ASAP3: variants seen among roughly 807,000 people sequenced by gnomAD.
The protein encoded by ASAP3 is arf-GAP with SH3 domain, ANK repeat and PH domain-containing protein 3.
Under a neutral mutation model 118.2 loss-of-function variants are expected in ASAP3, and 85 were observed. That is an observed-to-expected ratio of 0.72 (90% CI 0.60 to 0.86). The LOEUF (loss-of-function observed/expected upper bound fraction) is 0.86, where lower values mean the gene tolerates loss of function less well. Among genes scored for constraint, ASAP3 ranks in the 40% least tolerant of loss-of-function variants. The pLI, the probability that ASAP3 is intolerant of heterozygous loss-of-function variation, is 0.00. For missense variants in ASAP3, 1,026 were observed against 1,175.0 expected (o/e 0.87, Z 1.85); for synonymous variants, 432 against 477.4 (o/e 0.90, Z 1.24).
rs530136066 is a variant in ASAP3 at position 23,431,990 on chromosome 1, C to T, written c.2324-72G>A. ...GCTCTGTGCCCAACCTCAAAGCAGT[C>T]TCTGGCCTCTAGGATTTTTTTTTTT... On this transcript the variant is annotated intron_variant, in intron 22 of 24. Coordinates refer to ENST00000336689, the MANE Select transcript of ASAP3 (RefSeq NM_017707.4). 5.9e-6 allele frequency: 7 copies of T among 1,195,698 alleles called. No homozygotes were observed. The African/African-American group carries it at 1.1e-4, about 19-fold the overall frequency. The allele number at this position is 1,195,698 out of a possible 1,614,324, so 74.1% of individuals were successfully genotyped here. A position where few individuals can be genotyped will look rare whatever the true frequency, so the allele number is the denominator to read the frequency against.
chr1:23,471,868 T>A (rs1302441369), intron 1 of ASAP3, among the ~76,000 whole-genome samples: 1 of 152,240 alleles, frequency 6.6e-6, no homozygotes, highest in Non-Finnish European at 1.5e-5. Context: ...GATGTGCTAA[T>A]ATCTGAAAAG....
intron 1 of ASAP3, among the ~76,000 whole-genome samples, chr1:23,479,475 C>T (rs1023320491): frequency 2.0e-5 from 3 of 152,170 alleles, no homozygotes. Context: ...ACAAATTTCC[C>T]TCCAACAGAA....
chr1:23,457,242 A>C (rs996383822), intron 1 of ASAP3, among the ~76,000 whole-genome samples: 2 of 152,062 alleles, frequency 1.3e-5, no homozygotes, highest in African/African-American at 4.8e-5. Flanking sequence ...CCACAGCCCC[A>C]CCCTGACCCC....
chr1:23,440,686 C>A (rs1417958677), intron 10 of ASAP3, among the ~76,000 whole-genome samples: 1 of 150,054 alleles, frequency 6.7e-6, no homozygotes, highest in African/African-American at 2.5e-5. Context: ...GAAACCCCGT[C>A]TCTACTAAAA....
chr1:23,439,212 C>G lies in ASAP3; in HGVS notation c.963G>C (p.Gln321His), dbSNP rs752374798. 6.2e-7 allele frequency: 1 copy of G among 1,614,102 alleles called. No homozygotes were observed. Among genetic ancestry groups the G allele is most frequent in the Non-Finnish European group, 8.5e-7 (1 of 1,180,006 alleles). ...CATACTTGACTCCACACTTCCTTTT[C>G]TGCCAGACTCTTCGAATTCTAAAGC... ...KKSDGIRRVWQKRKCGVKYGC... is the reference protein window; with the variant it reads ...KKSDGIRRVWHKRKCGVKYGC... Residue 321 changes from glutamine (Q) to histidine (H), a missense_variant, in exon 11 of 25, where the codon CAG (glutamine) becomes CAC (histidine). By Grantham distance (24) the Gln-to-His change is conservative. Coordinates refer to ENST00000336689, the MANE Select transcript of ASAP3 (RefSeq NM_017707.4).
At position 23,429,183 on chromosome 1, in the gene ASAP3, T is replaced by C. The variant is rs956044719; in HGVS notation, c.*673A>G. On this transcript the variant is annotated 3_prime_UTR_variant, in exon 25 of 25. Transcript: ENST00000336689. ...TTTTTATTTAACAGCCAGTACAGCA[T>C]GCATGTTGACCAGCCAGAATGGATG... 2.6e-5 allele frequency: 4 copies of C among 152,404 alleles called. No homozygotes were observed. The highest frequency in any genetic ancestry group is 9.6e-5 in the African/African-American group (4 of 41,454). 9.4% of individuals were successfully genotyped at this position (152,404 alleles called of 1,614,324 possible).
chr1:23,473,974 CTTTTTTTTTTT>C (rs10664798), intron 1 of ASAP3, among the ~76,000 whole-genome samples: 6 of 72,104 alleles, frequency 8.3e-5, no homozygotes, highest in African/African-American at 3.4e-4. Flanking sequence ...TAAATCTGCT[CTTTTTTTTTTT>C]TTTTTTTTTT....
At chr1:23,447,116 C>T (rs748722623) in intron 5 of ASAP3, among the ~76,000 whole-genome samples, 3 of 152,202 alleles carry the variant, frequency 2.0e-5, no homozygotes, top group Non-Finnish European at 4.4e-5. Flanking sequence ...CGCCTGCCAA[C>T]GCTCACCTCC....
At position 23,433,099 on chromosome 1, in the gene ASAP3, C is replaced by A. The variant is rs190117959; in HGVS notation, c.2301G>T (p.Gly767=). ...TACCTCCACTGGCATGTCTTGCACA[C>A]CCTTGGACCAAAGTCCGAGAAGAGT... ...VKNSSRTLVQ[G]CARHASGDRS... Residue 767 remains glycine, a synonymous_variant, in exon 22 of 25, where the codon GGG becomes GGT. Transcript: ENST00000336689. 2 of 1,613,990 alleles carry A rather than the reference C, an allele frequency of 1.2e-6. No homozygotes were observed. The highest frequency in any genetic ancestry group is 1.7e-5 in the Admixed American group (1 of 59,978).
chr1:23,452,242 CAG>C (rs530800482), intron 4 of ASAP3, among the ~76,000 whole-genome samples: 97 of 152,292 alleles, frequency 6.4e-4, no homozygotes, highest in African/African-American at 2.3e-3. Context: ...GCAGATTGCC[CAG>C]AGAGATTATT....
chr1:23,460,856 C>G (rs1641563942), intron 1 of ASAP3, among the ~76,000 whole-genome samples: 1 of 152,092 alleles, frequency 6.6e-6, no homozygotes. Flanking sequence ...TGTCATGCAT[C>G]CAGAGAGTGA....
intron 17 of ASAP3, among the ~76,000 whole-genome samples, chr1:23,435,322 C>G (rs1186434471): frequency 6.6e-6 from 1 of 152,244 alleles, no homozygotes; most frequent in Non-Finnish European, 1.5e-5. Context: ...AGCCACCACA[C>G]CCAGCCAACA....
intron 1 of ASAP3, among the ~76,000 whole-genome samples, chr1:23,468,026 G>C (rs61778882): frequency 0.012 from 1,811 of 152,000 alleles, 14 homozygotes; most frequent in Middle Eastern, 0.041. Context: ...GTTTGTAAGG[G>C]AGTTTGACAC....
intron 1 of ASAP3, among the ~76,000 whole-genome samples, chr1:23,479,028 C>A (rs968674759): frequency 6.6e-6 from 1 of 152,110 alleles, no homozygotes; most frequent in African/African-American, 2.4e-5. Flanking sequence ...TTTACCCTGC[C>A]GGTCACTTTC....
At chr1:23,434,745 G>A (rs1012850306) in intron 17 of ASAP3, 127 bp from the exon 18 acceptor site, 2 of 824,622 alleles carry the variant, frequency 2.4e-6, no homozygotes, top group Non-Finnish European at 3.9e-6. Context: ...CTGGAGAGAT[G>A]AGACTGCAAG....
chr1:23,473,875 C>T (rs1642034614), intron 1 of ASAP3, among the ~76,000 whole-genome samples: 2 of 152,004 alleles, frequency 1.3e-5, no homozygotes, highest in African/African-American at 2.4e-5. Context: ...CCTAGCCACA[C>T]CCTATGTCTC....
At chr1:23,444,979 T>TA (rs61198445) in intron 5 of ASAP3, among the ~76,000 whole-genome samples, 10 of 148,162 alleles carry the variant, frequency 6.7e-5, no homozygotes, top group South Asian at 4.2e-4. Flanking sequence ...TTTTTTTTTT[T>TA]AATTTTAAAG....
At chr1:23,448,205 G>A (rs940386917) in intron 5 of ASAP3, among the ~76,000 whole-genome samples, 2 of 152,190 alleles carry the variant, frequency 1.3e-5, no homozygotes, top group African/African-American at 4.8e-5. Flanking sequence ...ACAGTCCAGT[G>A]TTATTCATGG....
At chr1:23,467,065 T>C (rs1641794957) in intron 1 of ASAP3, among the ~76,000 whole-genome samples, 1 of 152,016 alleles carries the variant, frequency 6.6e-6, no homozygotes, top group Admixed American at 6.6e-5. Flanking sequence ...GGTTTCACCA[T>C]GTTGGCCAGG....
Sources: allele counts gnomAD v4.1 joint callset (sites outside exome capture counted in the v4.1 genomes callset), GRCh38; gene constraint gnomAD v4.1.1; transcripts MANE v1.5; gene names NCBI Gene and HGNC (gene_info 2026-07-23, HGNC 2026-07-21).